ADAMTSL3: variants seen among roughly 807,000 people sequenced by gnomAD.
The protein encoded by ADAMTSL3 is ADAMTS-like protein 3.
Under a neutral mutation model 201.7 loss-of-function variants are expected in ADAMTSL3, and 128 were observed. The ratio of observed to expected loss-of-function variants is 0.63; its 90% CI spans 0.55 to 0.73. ADAMTSL3 has a LOEUF of 0.73. Ranked by LOEUF, ADAMTSL3 falls within the 30% of genes least tolerant of loss-of-function variation. The pLI, the probability that ADAMTSL3 is intolerant of heterozygous loss-of-function variation, is 0.00. For synonymous variants in ADAMTSL3, 738 were observed against 748.4 expected (o/e 0.99, Z 0.23); for missense variants, 1,990 against 2,119.6 (o/e 0.94, Z 1.20).
At chr15:83,755,432 C>G (rs942271520) in intron 3 of ADAMTSL3, among the ~76,000 whole-genome samples, 2 of 152,032 alleles carry the variant, frequency 1.3e-5, no homozygotes, top group African/African-American at 4.8e-5. Flanking sequence ...CTCTCCTCCC[C>G]CAGTCCCTGA....
chr15:83,984,387 T>G (rs1596498628), intron 21 of ADAMTSL3, among the ~76,000 whole-genome samples: 1 of 152,234 alleles, frequency 6.6e-6, no homozygotes, highest in African/African-American at 2.4e-5. Context: ...TTTTTTAAAA[T>G]AATAAACTAT....
At chr15:83,835,767 C>G (rs1476624527) in intron 6 of ADAMTSL3, among the ~76,000 whole-genome samples, 1 of 152,202 alleles carries the variant, frequency 6.6e-6, no homozygotes, top group African/African-American at 2.4e-5. Flanking sequence ...TTAAGTTGTT[C>G]CACATGTACT....
At chr15:83,898,397 A>G (rs190369954) in intron 14 of ADAMTSL3, among the ~76,000 whole-genome samples, 9 of 152,334 alleles carry the variant, frequency 5.9e-5, no homozygotes, top group Admixed American at 5.9e-4. Flanking sequence ...GAAGAAGTAG[A>G]GGAGGAGGAG....
intron 8 of ADAMTSL3, among the ~76,000 whole-genome samples, chr15:83,866,645 A>T (rs2064985515): frequency 6.6e-6 from 1 of 152,142 alleles, no homozygotes; most frequent in Admixed American, 6.6e-5. Context: ...GCATTAGGAG[A>T]TATACCTCAT....
intron 7 of ADAMTSL3, among the ~76,000 whole-genome samples, chr15:83,858,516 G>A (rs895611982): frequency 6.6e-5 from 10 of 152,154 alleles, no homozygotes; most frequent in Non-Finnish European, 1.5e-4. Flanking sequence ...GGGACTACAG[G>A]CACACGCCAT....
intron 8 of ADAMTSL3, among the ~76,000 whole-genome samples, chr15:83,868,406 C>T (rs1485833305): frequency 6.6e-6 from 1 of 152,142 alleles, no homozygotes; most frequent in Non-Finnish European, 1.5e-5. Flanking sequence ...TAAGAGGCAC[C>T]AGCACAAAGA....
At chr15:83,774,066 T>C (rs2063031341) in intron 4 of ADAMTSL3, among the ~76,000 whole-genome samples, 2 of 152,364 alleles carry the variant, frequency 1.3e-5, no homozygotes, top group African/African-American at 2.4e-5. Flanking sequence ...ATTTTAGATA[T>C]GTTTATGTTA....
intron 4 of ADAMTSL3, among the ~76,000 whole-genome samples, chr15:83,793,752 T>C (rs533505233): frequency 6.6e-6 from 1 of 152,118 alleles, no homozygotes; most frequent in Non-Finnish European, 1.5e-5. Context: ...GCTGGGATTA[T>C]GGGTATGTAT....
At chr15:83,963,404 G>A (rs2067011003) in intron 19 of ADAMTSL3, among the ~76,000 whole-genome samples, 1 of 152,176 alleles carries the variant, frequency 6.6e-6, no homozygotes, top group African/African-American at 2.4e-5. Context: ...AGTTCAAACT[G>A]GGTGGAGCCC....
intron 17 of ADAMTSL3, among the ~76,000 whole-genome samples, chr15:83,933,649 C>T (rs938329985): frequency 2.6e-5 from 4 of 152,204 alleles, no homozygotes; most frequent in Non-Finnish European, 4.4e-5. Context: ...GGAAATGTCT[C>T]CAGGGCACGT....
intron 2 of ADAMTSL3, among the ~76,000 whole-genome samples, chr15:83,662,493 C>T (rs201426829): frequency 8.2e-5 from 12 of 146,072 alleles, no homozygotes; most frequent in Non-Finnish European, 1.5e-4. Flanking sequence ...GTGGGTTCAG[C>T]GCACCAGCAT....
At chr15:83,902,462 G>C (rs2065745887) in intron 15 of ADAMTSL3, among the ~76,000 whole-genome samples, 1 of 152,100 alleles carries the variant, frequency 6.6e-6, no homozygotes, top group Non-Finnish European at 1.5e-5. Flanking sequence ...AATACAGACA[G>C]GGTTTCACCA....
intron 3 of ADAMTSL3, among the ~76,000 whole-genome samples, chr15:83,723,378 G>T (rs2062128795): frequency 6.6e-6 from 1 of 152,168 alleles, no homozygotes; most frequent in African/African-American, 2.4e-5. Flanking sequence ...CTTTTGATAA[G>T]CAGTTTTGCA....
chr15:83,861,075 C>T (rs2064846554), intron 8 of ADAMTSL3, among the ~76,000 whole-genome samples: 1 of 152,224 alleles, frequency 6.6e-6, no homozygotes, highest in African/African-American at 2.4e-5. Flanking sequence ...ATTGCTAGCA[C>T]AGCAGTCTGA....
intron 3 of ADAMTSL3, among the ~76,000 whole-genome samples, chr15:83,772,162 C>G (rs2062994945): frequency 6.6e-6 from 1 of 152,058 alleles, no homozygotes; most frequent in Non-Finnish European, 1.5e-5. Flanking sequence ...CCTCCTTTGG[C>G]TCTTATAGGT....
chr15:84,004,715 G>A (rs928570177), intron 23 of ADAMTSL3, among the ~76,000 whole-genome samples: 3 of 152,216 alleles, frequency 2.0e-5, no homozygotes, highest in Non-Finnish European at 2.9e-5. Context: ...ATGCCTCAGT[G>A]TTCAAAGGTT....
At chr15:83,941,664 C>G (rs183519761) in intron 17 of ADAMTSL3, among the ~76,000 whole-genome samples, 2 of 152,140 alleles carry the variant, frequency 1.3e-5, no homozygotes, top group African/African-American at 4.8e-5. Context: ...CAGTTATTTT[C>G]TGCTATATTG....
In ADAMTSL3 at chr15:83,684,501, C is replaced by T. The variant is rs148570558; in HGVS notation, c.70-19888C>T. 3.8e-3 allele frequency among the ~76,000 whole-genome samples: 573 copies of T among 152,138 alleles called. 2 individuals are homozygous for T. Among genetic ancestry groups the T allele is most frequent in the African/African-American group, 0.013 (542 of 41,514 alleles). On this transcript the variant is annotated intron_variant, in intron 2 of 29. Coordinates refer to ENST00000286744, the MANE Select transcript of ADAMTSL3 (RefSeq NM_207517.3). ...ATCACTTGAGGCCAGGAGTTTGAGG[C>T]TGTAGTGTGCTATAGTTGTGCCTGT...
intron 16 of ADAMTSL3, among the ~76,000 whole-genome samples, chr15:83,915,956 A>G (rs1234956803): frequency 6.6e-6 from 1 of 152,170 alleles, no homozygotes; most frequent in Non-Finnish European, 1.5e-5. Flanking sequence ...GTGAACGTTC[A>G]TGTATATGAT....
Sources: allele counts gnomAD v4.1 joint callset (sites outside exome capture counted in the v4.1 genomes callset), GRCh38; gene constraint gnomAD v4.1.1; transcripts MANE v1.5; gene names NCBI Gene and HGNC (gene_info 2026-07-23, HGNC 2026-07-21).